CNKSR2: variants seen among roughly 807,000 people sequenced by gnomAD.
CNKSR2 encodes the protein connector enhancer of kinase suppressor of Ras 2.
CNKSR2 carries 14 observed loss-of-function variants against 84.4 expected under a neutral mutation model. The observed-to-expected ratio is 0.17, with a 90% confidence interval of 0.11 to 0.26. The LOEUF is 0.26. CNKSR2 is among the 10% of genes least tolerant of loss of function. CNKSR2 has a pLI of 1.00. For missense variants in CNKSR2, 485 were observed against 771.2 expected (o/e 0.63, Z 4.40); for synonymous variants, 275 against 277.9 (o/e 0.99, Z 0.10).
intron 5 of CNKSR2, among the ~76,000 whole-genome samples, chrX:21,485,006 A>AC (rs2091365931): frequency 9.0e-6 from 1 of 111,338 alleles, no homozygotes; most frequent in African/African-American, 3.3e-5. Context: ...ACATGGTGAA[A>AC]CCCCATCTCT....
Position 21,526,991 on chromosome X carries a change from A to G in CNKSR2, c.1082A>G (p.Tyr361Cys). Residue 361 changes from tyrosine to cysteine, a missense_variant, in exon 10 of 22, where the codon TAT (tyrosine) becomes TGT (cysteine). Physicochemically the swap from Tyr to Cys is radical, Grantham distance 194. This residue lies in a region of CNKSR2 where 132 missense variants were observed against 166.7 expected (regional missense o/e 0.79). Transcript: ENST00000379510. ...LYIPPPPAEPYIPRDEKGNLP... is the reference protein window; with the variant it reads ...LYIPPPPAEPCIPRDEKGNLP... ...ATTCCCCCTCCTCCTGCAGAACCAT[A>G]TATTCCCAGGTATAAAACTATCACG... 1 of 1,205,831 alleles carries G rather than the reference A, an allele frequency of 8.3e-7. No individual in the cohort carries two copies. Among genetic ancestry groups the G allele is most frequent in the Non-Finnish European group, 1.1e-6 (1 of 891,551 alleles).
chrX:21,381,612 G>A (rs1382075968), intron 1 of CNKSR2, among the ~76,000 whole-genome samples: 1 of 111,980 alleles, frequency 8.9e-6, no homozygotes, highest in Non-Finnish European at 1.9e-5. Context: ...ACTTCTCATT[G>A]TTTTTAGGAT....
rs184608024 is a variant in CNKSR2 at position 21,544,843 on chromosome X, C to T, written c.1303+12776C>T. 3.7e-4 allele frequency among the ~76,000 whole-genome samples: 41 copies of T among 111,390 alleles called. 1 individual carries two copies. The highest frequency in any genetic ancestry group is 1.1e-3 in the African/African-American group (34 of 30,653). ...CCATGAGGGACTATGCCATGAGGAA[C>T]GGTGCATTCCGGCCCAGATACTACG... On this transcript the variant is annotated intron_variant, in intron 11 of 21. Coordinates refer to ENST00000379510, the MANE Select transcript of CNKSR2 (RefSeq NM_014927.5).
At chrX:21,404,339 C>T (rs931615728) in intron 1 of CNKSR2, among the ~76,000 whole-genome samples, 1 of 111,521 alleles carries the variant, frequency 9.0e-6, no homozygotes, top group African/African-American at 3.3e-5. Context: ...AATGTTCTGT[C>T]TGTCATTTTT....
chrX:21,541,840 A>G (rs1045653221), intron 11 of CNKSR2, among the ~76,000 whole-genome samples: 3 of 112,446 alleles, frequency 2.7e-5, no homozygotes, highest in African/African-American at 9.7e-5. Flanking sequence ...TGATAGAGCT[A>G]GGATTAAGTA....
At chrX:21,562,576 T>C (rs1169723729) in intron 12 of CNKSR2, among the ~76,000 whole-genome samples, 2 of 111,509 alleles carry the variant, frequency 1.8e-5, no homozygotes, top group East Asian at 5.6e-4. Context: ...AATCTTCAAT[T>C]TCTAATCTCA....
At chrX:21,616,855 T>C (rs2092579107) in intron 20 of CNKSR2, among the ~76,000 whole-genome samples, 1 of 110,566 alleles carries the variant, frequency 9.0e-6, no homozygotes, top group Non-Finnish European at 1.9e-5. Flanking sequence ...CCTAGCTTCA[T>C]CTTAATTAGT....
chrX:21,430,286 GA>G (rs2147063048), intron 2 of CNKSR2, among the ~76,000 whole-genome samples: 1 of 111,460 alleles, frequency 9.0e-6, no homozygotes, highest in East Asian at 2.8e-4. Flanking sequence ...TGAGTCATAT[GA>G]AAAATAATAA....
chrX:21,395,780 C>G (rs2090113246), intron 1 of CNKSR2, among the ~76,000 whole-genome samples: 1 of 111,645 alleles, frequency 9.0e-6, no homozygotes, highest in Admixed American at 9.5e-5. Flanking sequence ...ACTTTTATGA[C>G]CACCAGTGAC....
Position 21,374,716 on chromosome X carries a change from C to G in CNKSR2, c.-182C>G, listed in dbSNP as rs900114970. 2 of 507,453 alleles carry G rather than the reference C, an allele frequency of 3.9e-6. No homozygotes were observed. The highest frequency in any genetic ancestry group is 7.1e-6 in the Non-Finnish European group (2 of 281,905). 41.8% of individuals were successfully genotyped at this position (507,453 alleles called of 1,213,427 possible). ...GCACGTTTACCTCCCTGTCGCCGTTCCTGCCGGCGGTTGGCTAAAAGACGT... is the reference window on the plus strand; with the variant it reads ...GCACGTTTACCTCCCTGTCGCCGTTGCTGCCGGCGGTTGGCTAAAAGACGT... On this transcript the variant is annotated 5_prime_UTR_variant, in exon 1 of 22. Transcript: ENST00000379510.
intron 3 of CNKSR2, among the ~76,000 whole-genome samples, chrX:21,437,964 G>C (rs1352952438): frequency 9.0e-6 from 1 of 110,849 alleles, no homozygotes. Context: ...TTCTAATTCA[G>C]TTTTTTAAAT....
chrX:21,383,002 T>TC (rs1264641388), intron 1 of CNKSR2, among the ~76,000 whole-genome samples: 1 of 111,711 alleles, frequency 9.0e-6, no homozygotes, highest in Admixed American at 9.5e-5. Context: ...CTTACCAAAA[T>TC]TTTTCTAATA....
At chrX:21,434,377 G>A (rs968371868) in intron 3 of CNKSR2, among the ~76,000 whole-genome samples, 1 of 111,143 alleles carries the variant, frequency 9.0e-6, no homozygotes, top group African/African-American at 3.3e-5. Context: ...TTTTATGGTG[G>A]TATTACTTTC....
Position 21,440,697 on chromosome X carries a change from A to G in CNKSR2, c.435A>G (p.Ser145=), listed in dbSNP as rs1240294498. ...AKSLLAWLDR[S]PFAAVTDYSV... is the part of the protein sequence containing the mutation. ...AATTTTCCTTTTCCCTTTATAGGTC[A>G]CCATTTGCTGCTGTGACAGACTATT... The change falls in exon 4 of 22, where the codon TCA becomes TCG. Residue 145 remains serine (S), a synonymous_variant. Transcript: ENST00000379510. 1.7e-6 allele frequency: 2 copies of G among 1,168,658 alleles called. No homozygotes were observed. Among genetic ancestry groups the G allele is most frequent in the Admixed American group, 2.3e-5 (1 of 43,526 alleles).
chrX:21,614,585 TA>T (rs11372410), intron 20 of CNKSR2, among the ~76,000 whole-genome samples: 10 of 110,107 alleles, frequency 9.1e-5, no homozygotes, highest in Non-Finnish European at 1.7e-4. Flanking sequence ...AATATGTATT[TA>T]AAAAAAACAG....
At chrX:21,640,539 C>T (rs968870536) in intron 20 of CNKSR2, among the ~76,000 whole-genome samples, 1 of 111,678 alleles carries the variant, frequency 9.0e-6, no homozygotes, top group African/African-American at 3.3e-5. Context: ...TATGCTATAT[C>T]TTGTTTGCTA....
intron 1 of CNKSR2, among the ~76,000 whole-genome samples, chrX:21,406,057 G>A (rs2090258932): frequency 9.0e-6 from 1 of 110,815 alleles, no homozygotes. Context: ...CTGGTTCATG[G>A]CCTGTTAGGA....
Position 21,391,515 on chromosome X carries a change from G to A in CNKSR2, c.64+16554G>A, listed in dbSNP as rs901499773. Among the ~76,000 whole-genome samples the A allele has an allele frequency of 7.1e-5, 8 of 112,084 alleles. No individual in the cohort carries two copies. In the East Asian group the frequency reaches 8.4e-4, roughly 12 times the overall value. The stretch of plus-strand genomic sequence containing the variant: ...AGGTGTATCTGGGGTCCTTTTAGCC[G>A]CAGCTGGAGCTGGAGTGGCTGGGGA... On this transcript the variant is annotated intron_variant, in intron 1 of 21. Transcript: ENST00000379510.
intron 20 of CNKSR2, chrX:21,644,627 G>T (rs1308031437): frequency 9.0e-6 from 1 of 111,576 alleles, no homozygotes; most frequent in African/African-American, 3.3e-5. Context: ...ACTGTGCCAG[G>T]TAGAAGAAGG....
Sources: gnomAD v4.1 joint callset for allele counts (sites outside exome capture counted in the v4.1 genomes callset) on GRCh38, gnomAD v4.1.1 for gene constraint, gnomAD v4.1.1 regional missense constraint, MANE v1.5 for transcripts, NCBI Gene and HGNC (gene_info 2026-07-23, HGNC 2026-07-21) for gene names.